SAMSN1: variants seen among roughly 807,000 people sequenced by gnomAD.
SAMSN1 encodes SAM domain-containing protein SAMSN-1.
A neutral mutation model predicts 42.0 loss-of-function variants in SAMSN1; 31 were observed. That is an observed-to-expected ratio of 0.74 (90% CI 0.55 to 1.00). The LOEUF is 1.00. Among genes scored for constraint, SAMSN1 ranks in the 50% least tolerant of loss-of-function variants. SAMSN1 has a pLI of 0.00. For synonymous variants in SAMSN1, 178 were observed against 151.9 expected, an observed-to-expected ratio of 1.17 and a Z score of -1.26; for missense variants, 464 against 439.4, an observed-to-expected ratio of 1.06 and a Z score of -0.50.
chr21:14,582,718 C>A (rs1209234376), intron 1 of SAMSN1, among the ~76,000 whole-genome samples: 2 of 151,930 alleles, frequency 1.3e-5, no homozygotes, highest in Non-Finnish European at 2.9e-5. Flanking sequence ...GAAACCATAA[C>A]AATTGATTAA....
At chr21:14,555,893 G>T (rs1388689342) in intron 2 of SAMSN1, among the ~76,000 whole-genome samples, 1 of 152,102 alleles carries the variant, frequency 6.6e-6, no homozygotes, top group East Asian at 1.9e-4. Flanking sequence ...TATAAATTTT[G>T]TTATTAACTT....
chr21:14,517,108 G>T, intron 2 of SAMSN1, 67 bp from the exon 3 acceptor site: 2 of 1,399,670 alleles, frequency 1.4e-6, no homozygotes, highest in Non-Finnish European at 1.9e-6. Context: ...TGAAATCACT[G>T]TTACAGAGAA....
At chr21:14,578,171 G>C (rs1237044237) in intron 2 of SAMSN1, among the ~76,000 whole-genome samples, 1 of 152,184 alleles carries the variant, frequency 6.6e-6, no homozygotes, top group South Asian at 2.1e-4. Flanking sequence ...CTTAACTACT[G>C]GGTGTTTTTG....
chr21:14,606,355 T>C (rs895287955), intron 5 of SAMSN1, among the ~76,000 whole-genome samples: 1 of 152,166 alleles, frequency 6.6e-6, no homozygotes, highest in Non-Finnish European at 1.5e-5. Context: ...TTCCTTTTTA[T>C]TATTTTTTAA....
chr21:14,577,048 CT>C (rs991163598), intron 2 of SAMSN1, among the ~76,000 whole-genome samples: 3,185 of 54,854 alleles, frequency 0.058, 9 homozygotes, highest in African/African-American at 0.11. Context: ...GCATCCGTTT[CT>C]TTTTTTTTTT....
At chr21:14,606,375 TA>T (rs1232434510) in intron 5 of SAMSN1, among the ~76,000 whole-genome samples, 2 of 152,182 alleles carry the variant, frequency 1.3e-5, no homozygotes, top group Non-Finnish European at 2.9e-5. Flanking sequence ...AATGTTGATT[TA>T]TTTTTATTCT....
chr21:14,649,736 C>G (rs1983795462), intron 1 of SAMSN1, among the ~76,000 whole-genome samples: 1 of 151,414 alleles, frequency 6.6e-6, no homozygotes, highest in Non-Finnish European at 1.5e-5. Context: ...TACCACTGCA[C>G]TCCAGGCTGG....
chr21:14,522,301 A>C (rs977777228), intron 1 of SAMSN1, among the ~76,000 whole-genome samples: 3 of 152,232 alleles, frequency 2.0e-5, no homozygotes, highest in African/African-American at 7.2e-5. Flanking sequence ...TGAGTCAAAA[A>C]ATTGATATTT....
chr21:14,490,873 C>T (rs1469954141), intron 7 of SAMSN1, among the ~76,000 whole-genome samples: 1 of 152,140 alleles, frequency 6.6e-6, no homozygotes, highest in Non-Finnish European at 1.5e-5. Flanking sequence ...TCCACTTCCA[C>T]TGTGCTAGGA....
At position 14,658,791 on chromosome 21, in the gene SAMSN1, T is replaced by C. The variant is rs754371341; in HGVS notation, c.-20A>G. 4 of 715,460 alleles carry C rather than the reference T, an allele frequency of 5.6e-6. No homozygotes were observed. In the South Asian group the frequency reaches 5.9e-5, roughly 11 times the overall value. 44.3% of individuals were successfully genotyped at this position (715,460 alleles called of 1,614,324 possible). ...ATTCATTTTGACCAGCTTCACTCTC[T>C]TGTTGCCCTGCTTTGAAAAATATGA... On this transcript the variant is annotated 5_prime_UTR_variant, in exon 1 of 16. Transcript: ENST00000647101.
intron 1 of SAMSN1, among the ~76,000 whole-genome samples, chr21:14,540,301 T>C (rs1314620260): frequency 6.6e-6 from 1 of 152,172 alleles, no homozygotes; most frequent in Non-Finnish European, 1.5e-5. Flanking sequence ...TGGGATCTAA[T>C]TGAACTAAAG....
chr21:14,596,015 A>G (rs465122), intron 6 of SAMSN1, among the ~76,000 whole-genome samples: 88,805 of 152,120 alleles, frequency 0.58, 28,351 homozygotes, highest in African/African-American at 0.86. Flanking sequence ...CCATACATTT[A>G]TGGAGTTCAT....
chr21:14,554,702 T>C (rs866171624), intron 2 of SAMSN1, among the ~76,000 whole-genome samples: 14 of 149,250 alleles, frequency 9.4e-5, no homozygotes, highest in Middle Eastern at 3.4e-3. Flanking sequence ...CTTTTTCTTT[T>C]TTTTTTTTTT....
intron 2 of SAMSN1, among the ~76,000 whole-genome samples, chr21:14,633,455 T>A (rs1376320650): frequency 9.2e-5 from 14 of 152,206 alleles, no homozygotes; most frequent in Admixed American, 9.2e-4. Context: ...TTTATAGAGG[T>A]AAAAACTGGG....
intron 6 of SAMSN1, among the ~76,000 whole-genome samples, chr21:14,599,803 T>C: frequency 6.6e-6 from 1 of 152,206 alleles, no homozygotes; most frequent in Non-Finnish European, 1.5e-5. Flanking sequence ...GCCATCATAA[T>C]TGTGACCCAA....
intron 2 of SAMSN1, among the ~76,000 whole-genome samples, chr21:14,571,440 T>C (rs942206712): frequency 6.6e-6 from 1 of 152,182 alleles, no homozygotes; most frequent in African/African-American, 2.4e-5. Flanking sequence ...TTGTATTTAA[T>C]AGCTGGGAAC....
At chr21:14,546,347 C>T (rs1980393086), upstream of SAMSN1, 10 of 1,574,736 alleles carry the variant, frequency 6.4e-6, no homozygotes, top group African/African-American at 1.4e-5. Context: ...GTCTAATGCA[C>T]AGCATCAGAT....
chr21:14,635,487 G>A (rs897051913), intron 2 of SAMSN1, among the ~76,000 whole-genome samples: 3 of 152,170 alleles, frequency 2.0e-5, no homozygotes, highest in Admixed American at 1.3e-4. Flanking sequence ...CTATACCTAG[G>A]TGTCTGAGGC....
intron 1 of SAMSN1, among the ~76,000 whole-genome samples, chr21:14,652,625 G>A (rs182203236): frequency 7.2e-5 from 11 of 152,112 alleles, no homozygotes; most frequent in African/African-American, 2.4e-4. Context: ...ACATTGGTCT[G>A]GGAAAGGATT....
Sources: gnomAD v4.1 joint callset for allele counts (sites outside exome capture counted in the v4.1 genomes callset) on GRCh38, gnomAD v4.1.1 for gene constraint, MANE v1.5 for transcripts, NCBI Gene and HGNC (gene_info 2026-07-23, HGNC 2026-07-21) for gene names.